The following PXDNL variants were observed in gnomAD, a reference collection of about 807,000 sequenced individuals.
The protein encoded by PXDNL is probable oxidoreductase PXDNL.
In PXDNL, 145 loss-of-function variants were observed where a neutral mutation model predicts 150.8. The ratio of observed to expected loss-of-function variants is 0.96; its 90% confidence interval spans 0.84 to 1.10. The LOEUF is 1.10. Ranked by LOEUF, PXDNL falls within the 50% of genes least tolerant of loss-of-function variation. PXDNL has a pLI of 0.00. For missense variants in PXDNL, 2,087 were observed against 1,873.9 expected (o/e 1.11, Z -2.10); for synonymous variants, 757 against 725.7 (o/e 1.04, Z -0.69).
At chr8:51,540,581 A>G (rs1028340018) in intron 4 of PXDNL, among the ~76,000 whole-genome samples, 9 of 152,192 alleles carry the variant, frequency 5.9e-5, no homozygotes, top group African/African-American at 2.2e-4. Context: ...AATATATTTT[A>G]TATGACTTAA....
chr8:51,771,656 G>C (rs181072652), intron 1 of PXDNL, among the ~76,000 whole-genome samples: 89 of 152,264 alleles, frequency 5.8e-4, no homozygotes, highest in Admixed American at 1.5e-3. Context: ...AAGAAAGACA[G>C]AAGCAGGGAA....
chr8:51,594,009 AT>A (rs1242762243), intron 2 of PXDNL, among the ~76,000 whole-genome samples: 1 of 152,200 alleles, frequency 6.6e-6, no homozygotes, highest in African/African-American at 2.4e-5. Context: ...TCCTGGGAGA[AT>A]TTGCTGTTTA....
At chr8:51,322,066 G>A (rs1277738084) in intron 21 of PXDNL, among the ~76,000 whole-genome samples, 1 of 152,212 alleles carries the variant, frequency 6.6e-6, no homozygotes, top group African/African-American at 2.4e-5. Flanking sequence ...CGAAGGCCAT[G>A]TGAGGACACA....
chr8:51,744,981 A>G (rs1207256348), intron 1 of PXDNL, among the ~76,000 whole-genome samples: 1,622 of 8,820 alleles, frequency 0.18, 122 homozygotes, highest in South Asian at 0.42. Context: ...AGAAAGAAAG[A>G]AAGAAAGAAA....
At chr8:51,643,394 C>G (rs1319989790) in intron 2 of PXDNL, among the ~76,000 whole-genome samples, 3 of 152,166 alleles carry the variant, frequency 2.0e-5, no homozygotes, top group African/African-American at 7.2e-5. Context: ...TACCACACAT[C>G]TACAACCATC....
chr8:51,415,932 T>C (rs1248953600), intron 14 of PXDNL, among the ~76,000 whole-genome samples: 1 of 152,198 alleles, frequency 6.6e-6, no homozygotes, highest in East Asian at 1.9e-4. Context: ...CATAGCTACA[T>C]TAGTCTGCTT....
At chr8:51,760,695 T>C (rs1376174611) in intron 1 of PXDNL, among the ~76,000 whole-genome samples, 1 of 152,166 alleles carries the variant, frequency 6.6e-6, no homozygotes, top group Non-Finnish European at 1.5e-5. Context: ...AGAGTGCCCA[T>C]AGTCATAATC....
intron 17 of PXDNL, among the ~76,000 whole-genome samples, chr8:51,405,794 C>A (rs900327963): frequency 1.3e-5 from 2 of 152,202 alleles, no homozygotes; most frequent in African/African-American, 4.8e-5. Flanking sequence ...CTACTGACTT[C>A]TGGCAACCCA....
intron 19 of PXDNL, among the ~76,000 whole-genome samples, chr8:51,364,518 A>G (rs996224458): frequency 6.6e-6 from 1 of 152,162 alleles, no homozygotes. Context: ...TTATACTTCT[A>G]TGAACAATAA....
At chr8:51,618,565 C>T (rs1422216018) in intron 2 of PXDNL, among the ~76,000 whole-genome samples, 1 of 152,196 alleles carries the variant, frequency 6.6e-6, no homozygotes, top group Non-Finnish European at 1.5e-5. Context: ...AGTGTGGAAC[C>T]TGATAGGAGG....
At chr8:51,619,386 G>A (rs546919230) in intron 2 of PXDNL, among the ~76,000 whole-genome samples, 4 of 152,286 alleles carry the variant, frequency 2.6e-5, no homozygotes, top group African/African-American at 7.2e-5. Context: ...AGAAAGGAAC[G>A]CTGCATGAAG....
At chr8:51,653,316 G>C (rs1316436674) in intron 2 of PXDNL, among the ~76,000 whole-genome samples, 1 of 152,144 alleles carries the variant, frequency 6.6e-6, no homozygotes, top group Non-Finnish European at 1.5e-5. Context: ...AACTCAGGAG[G>C]CTGAGGCAGG....
chr8:51,711,527 T>C (rs1400993703), intron 1 of PXDNL, among the ~76,000 whole-genome samples: 1 of 152,208 alleles, frequency 6.6e-6, no homozygotes, highest in Non-Finnish European at 1.5e-5. Context: ...ATTACAAAGA[T>C]CTAATACAGT....
Position 51,571,498 on chromosome 8 carries a change from A to G in PXDNL, c.309-14587T>C, listed in dbSNP as rs137991517. On this transcript the variant is annotated intron_variant, in intron 3 of 22. Coordinates refer to ENST00000356297, the MANE Select transcript of PXDNL (RefSeq NM_144651.5). ...TGTCATTTTGAGAGAGATTGTGCCC[A>G]ACTGTAAAAATAAGGCTTAAGCTAA... 1.4e-3 allele frequency among the ~76,000 whole-genome samples: 206 copies of G among 152,002 alleles called. 3 individuals are homozygous for G. In the East Asian group the frequency reaches 0.038, roughly 28 times the overall value.
intron 4 of PXDNL, among the ~76,000 whole-genome samples, chr8:51,549,403 A>G (rs966227956): frequency 5.9e-5 from 9 of 152,160 alleles, no homozygotes; most frequent in African/African-American, 2.2e-4. Context: ...AACATGGAAC[A>G]TTCTCCAAGA....
At chr8:51,339,874 G>C in intron 20 of PXDNL, 121 bp from the exon 21 acceptor site, 1 of 934,254 alleles carries the variant, frequency 1.1e-6, no homozygotes, top group Non-Finnish European at 1.6e-6. Context: ...GGTGTTCTTT[G>C]TGATCTTAAA....
chr8:51,804,256 G>C (rs2037652122), intron 1 of PXDNL, among the ~76,000 whole-genome samples: 1 of 152,182 alleles, frequency 6.6e-6, no homozygotes, highest in African/African-American at 2.4e-5. Flanking sequence ...TTGAGTTTCT[G>C]ATTAGCCTCT....
intron 1 of PXDNL, among the ~76,000 whole-genome samples, chr8:51,746,734 T>G (rs2036988139): frequency 6.6e-6 from 1 of 152,184 alleles, no homozygotes; most frequent in Non-Finnish European, 1.5e-5. Flanking sequence ...TGTTTGTTAG[T>G]TTTTTGAGGC....
chr8:51,652,290 T>C (rs1345144090), intron 2 of PXDNL, among the ~76,000 whole-genome samples: 1 of 152,172 alleles, frequency 6.6e-6, no homozygotes, highest in Admixed American at 6.5e-5. Flanking sequence ...TAAAGACCTT[T>C]GGATCTTCAC....
Sources: allele counts gnomAD v4.1 joint callset (sites outside exome capture counted in the v4.1 genomes callset), GRCh38; gene constraint gnomAD v4.1.1; transcripts MANE v1.5; gene names NCBI Gene and HGNC (gene_info 2026-07-23, HGNC 2026-07-21).